The following CATSPERE variants were observed in gnomAD, a reference collection of about 807,000 sequenced individuals.
CATSPERE encodes the protein catsper channel auxiliary subunit epsilon, also known as cation channel sperm-associated auxiliary subunit epsilon.
A neutral mutation model predicts 114.1 loss-of-function variants in CATSPERE; 93 were observed. The observed-to-expected ratio is 0.81, with a 90% confidence interval of 0.69 to 0.97. The LOEUF is 0.97. Among genes scored for constraint, CATSPERE ranks in the 50% least tolerant of loss-of-function variants. CATSPERE has a pLI of 0.00. For missense variants in CATSPERE, 1,058 were observed against 1,131.6 expected, an observed-to-expected ratio of 0.93 and a Z score of 0.93; for synonymous variants, 341 against 384.1, an observed-to-expected ratio of 0.89 and a Z score of 1.31.
intron 5 of CATSPERE, among the ~76,000 whole-genome samples, chr1:244,485,392 A>G (rs1342139828): frequency 6.6e-6 from 1 of 151,840 alleles, no homozygotes; most frequent in East Asian, 1.9e-4. Context: ...ATGTTGGCCA[A>G]GCTAGTCTCG....
At chr1:244,458,894 A>C (rs776871952), upstream of CATSPERE, among the ~76,000 whole-genome samples, 3 of 152,178 alleles carry the variant, frequency 2.0e-5, no homozygotes, top group Non-Finnish European at 2.9e-5. Context: ...TATAGAGCCA[A>C]TTAAAGCCCA....
At chr1:244,590,914 T>C (rs769297228) in intron 14 of CATSPERE, among the ~76,000 whole-genome samples, 2 of 152,250 alleles carry the variant, frequency 1.3e-5, no homozygotes, top group Non-Finnish European at 2.9e-5. Context: ...GTACAAGTGT[T>C]TGTTTGAACA....
At chr1:244,459,872 T>A (rs778722843), upstream of CATSPERE, among the ~76,000 whole-genome samples, 1 of 152,232 alleles carries the variant, frequency 6.6e-6, no homozygotes, top group Admixed American at 6.5e-5. Flanking sequence ...CATGAGTTGC[T>A]CAGACAGTTG....
chr1:244,455,242 T>A (rs1666027580), intron 1 of CATSPERE, among the ~76,000 whole-genome samples: 1 of 152,162 alleles, frequency 6.6e-6, no homozygotes, highest in African/African-American at 2.4e-5. Flanking sequence ...TTGCCATTTA[T>A]TGAGGTTCCC....
chr1:244,567,495 G>T (rs1255028439), intron 10 of CATSPERE, among the ~76,000 whole-genome samples: 2 of 151,890 alleles, frequency 1.3e-5, no homozygotes. Flanking sequence ...ATCAAATATA[G>T]GTTTGGTCTT....
chr1:244,608,974 G>A (rs1670359878), intron 18 of CATSPERE, among the ~76,000 whole-genome samples: 2 of 151,842 alleles, frequency 1.3e-5, no homozygotes, highest in African/African-American at 4.8e-5. Flanking sequence ...GATCACTTGA[G>A]GTCAACTCCA....
chr1:244,621,103 T>TATTATA (rs1558609384), intron 20 of CATSPERE, among the ~76,000 whole-genome samples: 4,386 of 23,748 alleles, frequency 0.18, 1,837 homozygotes, highest in Non-Finnish European at 0.26. Flanking sequence ...AAAATATATA[T>TATTATA]AAATATATAT....
intron 19 of CATSPERE, 63 bp from the exon 20 acceptor site, chr1:244,617,466 T>C: frequency 2.4e-6 from 3 of 1,266,086 alleles, no homozygotes; most frequent in Non-Finnish European, 3.2e-6. Context: ...TAAATGAGAC[T>C]ATAATTTTGC....
intron 9 of CATSPERE, among the ~76,000 whole-genome samples, chr1:244,555,274 A>G (rs1661405368): frequency 6.6e-6 from 1 of 152,126 alleles, no homozygotes; most frequent in East Asian, 1.9e-4. Context: ...AGTCCCAGCT[A>G]CTTGGGAGGC....
In CATSPERE at chr1:244,552,789, G is replaced by C; in HGVS notation, c.1004G>C (p.Trp335Ser). 1 of 1,596,706 alleles carries C rather than the reference G, an allele frequency of 6.3e-7. No homozygotes were observed. The highest frequency in any genetic ancestry group is 8.5e-7 in the Non-Finnish European group (1 of 1,172,586). The change falls in exon 9 of 22, where the codon TGG (tryptophan) becomes TCG (serine). Residue 335 changes from tryptophan to serine, a missense_variant. By Grantham distance (177) the Trp-to-Ser change is radical. This residue lies in a region of CATSPERE where 787 missense variants were observed against 905.6 expected (regional missense o/e 0.87). Coordinates refer to ENST00000366534, the MANE Select transcript of CATSPERE (RefSeq NM_001130957.2). Reference sequence around the variant, plus strand: ...ATTACTGGCATTTCATCAAGAAAATGGTGTTGGGTCAATTATTTATTAAAG... The same window carrying C: ...ATTACTGGCATTTCATCAAGAAAATCGTGTTGGGTCAATTATTTATTAAAG... The part of the protein sequence containing the change: ...GGITGISSRK[W>S]CWVNYLLKAK...
chr1:244,461,441 G>A lies in CATSPERE; in HGVS notation c.12G>A (p.Arg4=). The A allele has an allele frequency of 7.2e-7, 1 of 1,389,674 alleles. No individual in the cohort carries two copies. The highest frequency in any genetic ancestry group is 9.4e-7 in the Non-Finnish European group (1 of 1,062,740). The allele number at this position is 1,389,674 out of a possible 1,614,324, so 86.1% of individuals were successfully genotyped here. MSA[R]EVAVLLLWLS... is the part of the protein sequence containing the mutation. ...GCGGAGCAGGCGCCATGTCAGCCCG[G>A]GAAGTGGCCGTGCTGCTGCTGTGGC... Residue 4 remains arginine, a synonymous_variant, in exon 1 of 22, where the codon CGG becomes CGA. Coordinates refer to ENST00000366534, the MANE Select transcript of CATSPERE (RefSeq NM_001130957.2).
intron 8 of CATSPERE, among the ~76,000 whole-genome samples, chr1:244,548,421 G>T (rs142963028): frequency 6.6e-6 from 1 of 152,214 alleles, no homozygotes; most frequent in Non-Finnish European, 1.5e-5. Context: ...TCTGTGTGGT[G>T]ATTAGCCAGC....
chr1:244,482,292 C>T (rs773985633), intron 5 of CATSPERE, among the ~76,000 whole-genome samples: 1 of 151,858 alleles, frequency 6.6e-6, no homozygotes, highest in Admixed American at 6.6e-5. Context: ...CATAGCAAGA[C>T]TTGTCTCTAC....
At chr1:244,490,425 T>C (rs746227314) in intron 5 of CATSPERE, 22 bp from the exon 6 acceptor site, 12 of 1,524,268 alleles carry the variant, frequency 7.9e-6, no homozygotes, top group South Asian at 5.8e-5. Context: ...TACTAAAATA[T>C]GTTTCCTCTT....
intron 8 of CATSPERE, among the ~76,000 whole-genome samples, chr1:244,548,454 A>T (rs374935736): frequency 3.3e-5 from 5 of 152,326 alleles, no homozygotes; most frequent in Admixed American, 6.5e-5. Flanking sequence ...GGCTGACTAC[A>T]CTGAACCATT....
chr1:244,558,482 A>G (rs918022596), intron 9 of CATSPERE, among the ~76,000 whole-genome samples: 21 of 152,022 alleles, frequency 1.4e-4, no homozygotes, highest in Non-Finnish European at 1.5e-4. Context: ...TCTCTTCACT[A>G]TGTTGCCCAT....
rs745454907 is a variant in CATSPERE, at chr1:244,572,653, A to G, written c.1831A>G (p.Ile611Val). The G allele has an allele frequency of 3.6e-5, 58 of 1,613,892 alleles. No homozygotes were observed. Among genetic ancestry groups the G allele is most frequent in the Non-Finnish European group, 4.6e-5 (54 of 1,179,940 alleles). The part of the protein sequence containing the change: ...KGEALTVWTQ[I>V]VYPENTGLYV... ...AGAGGCTCTGACAGTTTGGACTCAG[A>G]TCGTCTATCCAGAAAACACTGGTCT... The change falls in exon 11 of 22, where the codon ATC becomes GTC. Residue 611 changes from isoleucine (I) to valine (V), a missense_variant. Transcript: ENST00000366534.
rs1660792435 is a variant in CATSPERE at position 244,552,333 on chromosome 1, T to C, written c.548T>C (p.Ile183Thr). The change falls in exon 9 of 22, where the codon ATT becomes ACT. Residue 183 changes from isoleucine (I) to threonine (T), a missense_variant. Ile to Thr is a moderately conservative substitution (Grantham distance 89). Coordinates refer to ENST00000366534, the MANE Select transcript of CATSPERE (RefSeq NM_001130957.2). The part of the protein sequence containing the change: ...NEKMRRGTWR[I>T]VVPMTKDDAL... ...CTTTCTCTTCTTAGGACCTGGCGTA[T>C]TGTAGTACCAATGACAAAAGATGAT... is the stretch of plus-strand genomic sequence containing the variant. 7 of 1,609,710 alleles carry C rather than the reference T, an allele frequency of 4.3e-6. No individual in the cohort carries two copies. Among genetic ancestry groups the C allele is most frequent in the South Asian group, 1.1e-5 (1 of 90,154 alleles).
At chr1:244,469,771 A>T (rs183936920) in intron 2 of CATSPERE, among the ~76,000 whole-genome samples, 33 of 152,324 alleles carry the variant, frequency 2.2e-4, no homozygotes, top group African/African-American at 7.2e-4. Flanking sequence ...GGAAGGACTC[A>T]CAGTTCTTGA....
Sources: allele counts gnomAD v4.1 joint callset (sites outside exome capture counted in the v4.1 genomes callset), GRCh38; gene constraint gnomAD v4.1.1; regional missense constraint gnomAD v4.1.1; transcripts MANE v1.5; gene names NCBI Gene and HGNC (gene_info 2026-07-23, HGNC 2026-07-21).